The following FREM2 variants were observed in gnomAD, a reference collection of about 807,000 sequenced individuals.
FREM2 encodes FRAS1-related extracellular matrix protein 2.
Under a neutral mutation model 219.9 loss-of-function variants are expected in FREM2, and 119 were observed. That is an observed-to-expected ratio of 0.54 (90% CI 0.47 to 0.63). The LOEUF (loss-of-function observed/expected upper bound fraction) is 0.63, where lower values mean the gene tolerates loss of function less well. Ranked by LOEUF, FREM2 falls within the 30% of genes least tolerant of loss-of-function variation. FREM2 has a pLI of 0.00. For synonymous variants in FREM2, 1,562 were observed against 1,522.8 expected (o/e 1.03, Z -0.60); for missense variants, 4,030 against 3,993.6 (o/e 1.01, Z -0.25).
chr13:38,775,665 G>A (rs1873843398), intron 4 of FREM2, among the ~76,000 whole-genome samples: 2 of 152,144 alleles, frequency 1.3e-5, no homozygotes, highest in African/African-American at 4.8e-5. Context: ...TGTCACCCAG[G>A]CTGGAGCGAA....
chr13:38,716,309 C>T (rs765210904), intron 2 of FREM2, among the ~76,000 whole-genome samples: 5 of 152,146 alleles, frequency 3.3e-5, no homozygotes, highest in African/African-American at 9.7e-5. Context: ...TTGCTATTTT[C>T]ATTTCAAAAT....
chr13:38,715,844 C>CT (rs1010644216), intron 2 of FREM2, among the ~76,000 whole-genome samples: 1 of 151,624 alleles, frequency 6.6e-6, no homozygotes, highest in African/African-American at 2.4e-5. Flanking sequence ...ATAAGAATAC[C>CT]TTTTTTTGTG....
Position 38,689,184 on chromosome 13 carries a change from C to T in FREM2, c.1840C>T (p.Gln614Ter). 6.2e-7 allele frequency: 1 copy of T among 1,614,062 alleles called. No individual in the cohort carries two copies. The highest frequency in any genetic ancestry group is 8.5e-7 in the Non-Finnish European group (1 of 1,180,006). The change falls in exon 1 of 24, where the codon CAA becomes TAA. Residue 614 changes from glutamine to a stop codon, truncating the protein, a stop_gained. Transcript: ENST00000280481. LOFTEE classifies it high-confidence loss of function. ...AACTACGGGGCATCTGCTTCTCCGC[C>T]AAACTCACCCTCCCCATGAGAAGCA... is the stretch of plus-strand genomic sequence containing the variant. ...FLTTGHLLLR[Q>*]THPPHEKQEL...
At chr13:38,718,967 A>G (rs1041920444) in intron 2 of FREM2, among the ~76,000 whole-genome samples, 2 of 152,214 alleles carry the variant, frequency 1.3e-5, no homozygotes, top group Admixed American at 6.5e-5. Context: ...GAGTTACCAT[A>G]TTAATTTCCT....
chr13:38,689,727 G>T lies in FREM2; in HGVS notation c.2383G>T (p.Val795Leu). ...AYRPPGQELG[V>L]ATRVAQFQFQ... is the part of the protein sequence containing the mutation. ...CAGACCCCCGGGTCAAGAACTGGGC[G>T]TGGCTACTCGAGTGGCCCAGTTCCA... Residue 795 changes from valine (V) to leucine (L), a missense_variant, in exon 1 of 24, where the codon GTG becomes TTG. This residue lies in a region of FREM2 where 3,102 missense variants were observed against 2,950.7 expected (regional missense o/e 1.05). Transcript: ENST00000280481. 6.2e-7 allele frequency: 1 copy of T among 1,613,490 alleles called. No individual in the cohort carries two copies. Among genetic ancestry groups the T allele is most frequent in the African/African-American group, 1.3e-5 (1 of 75,010 alleles).
At chr13:38,715,072 A>G (rs1421933684) in intron 2 of FREM2, among the ~76,000 whole-genome samples, 1 of 152,216 alleles carries the variant, frequency 6.6e-6, no homozygotes. Context: ...AGCCTGGGTG[A>G]CAAGAGTGAG....
chr13:38,690,770 G>T lies in FREM2; in HGVS notation c.3426G>T (p.Arg1142Ser), dbSNP rs536996872. 2.5e-6 allele frequency: 4 copies of T among 1,614,140 alleles called. No individual in the cohort carries two copies. The highest frequency in any genetic ancestry group is 2.2e-5 in the East Asian group (1 of 44,874). ...GTGCTTTCAACTTGAAAGATCTCAG[G>T]CAGGGCCACATAAACTATGTCCAGA... is the stretch of plus-strand genomic sequence containing the variant. ...AISAFNLKDL[R>S]QGHINYVQSV... is the part of the protein sequence containing the mutation. Residue 1142 changes from arginine to serine, a missense_variant, in exon 1 of 24, where the codon AGG (arginine) becomes AGT (serine). Around this residue, in one of 2 missense-constraint regions of FREM2, gnomAD observed 3,102 missense variants for 2,950.7 expected, o/e 1.05. Coordinates refer to ENST00000280481, the MANE Select transcript of FREM2 (RefSeq NM_207361.6).
rs547390157 is a variant in FREM2, at chr13:38,868,022, T to G, written c.7983+3416T>G. Reference sequence around the variant, plus strand: ...AGTCTAGTAAAGCTGACACCTAAAATTAACCATCATAGATGGCGGTCCCAT... The same window carrying G: ...AGTCTAGTAAAGCTGACACCTAAAAGTAACCATCATAGATGGCGGTCCCAT... On this transcript the variant is annotated intron_variant, in intron 16 of 23. Transcript: ENST00000280481. Among the ~76,000 whole-genome samples, 15 of 152,300 alleles carry G rather than the reference T, an allele frequency of 9.8e-5. 1 individual carries two copies. In the South Asian group the frequency reaches 2.1e-3, roughly 21 times the overall value.
intron 6 of FREM2, among the ~76,000 whole-genome samples, chr13:38,841,842 A>G (rs9548488): frequency 0.14 from 21,598 of 152,208 alleles, 1,769 homozygotes; most frequent in Admixed American, 0.24. Context: ...TTGCACACCT[A>G]TTGCATTGAT....
intron 2 of FREM2, among the ~76,000 whole-genome samples, chr13:38,706,954 T>C (rs1302112399): frequency 6.6e-6 from 1 of 152,216 alleles, no homozygotes; most frequent in Non-Finnish European, 1.5e-5. Context: ...TAGGTACTTT[T>C]GTTCTTGCTT....
At chr13:38,776,187 G>T (rs1052003406) in intron 4 of FREM2, among the ~76,000 whole-genome samples, 4 of 152,176 alleles carry the variant, frequency 2.6e-5, no homozygotes, top group African/African-American at 9.7e-5. Flanking sequence ...AATGCCACTT[G>T]TTGGCCAGTC....
intron 2 of FREM2, among the ~76,000 whole-genome samples, chr13:38,704,395 T>G (rs1423347873): frequency 6.6e-6 from 1 of 152,200 alleles, no homozygotes; most frequent in African/African-American, 2.4e-5. Flanking sequence ...GAGACACAGC[T>G]GTCAGGAAAG....
chr13:38,759,668 G>A (rs1873153495), intron 2 of FREM2, among the ~76,000 whole-genome samples: 1 of 152,122 alleles, frequency 6.6e-6, no homozygotes, highest in South Asian at 2.1e-4. Flanking sequence ...CCAATGAGGT[G>A]CTGAGACTAG....
Position 38,878,878 on chromosome 13 carries a change from A to G in FREM2, c.8907A>G (p.Leu2969=), listed in dbSNP as rs115367553. 9.3e-6 allele frequency: 15 copies of G among 1,614,170 alleles called. No individual in the cohort carries two copies. In the East Asian group the frequency reaches 1.6e-4, roughly 17 times the overall value. The part of the protein sequence containing the change: ...ETQATSFGNV[L]FNAKLAVDDP... ...AAGCGACCAGTTTTGGAAATGTCCT[A>G]TTTAATGCCAAACTAGCAGTGGATG... The change falls in exon 23 of 24, where the codon CTA becomes CTG. Residue 2969 remains leucine, a synonymous_variant. Transcript: ENST00000280481.
chr13:38,729,686 T>C (rs1358729621), intron 2 of FREM2, among the ~76,000 whole-genome samples: 2 of 152,210 alleles, frequency 1.3e-5, no homozygotes, highest in African/African-American at 4.8e-5. Context: ...ATTGAGGCTT[T>C]CTTTAGACTT....
At position 38,689,759 on chromosome 13, in the gene FREM2, G is replaced by A; in HGVS notation, c.2415G>A (p.Gln805=). The part of the protein sequence containing the change: ...VATRVAQFQF[Q]VEDRAGNVAP... ...CTCGAGTGGCCCAGTTCCAGTTCCAGGTGGAAGACCGAGCTGGGAATGTGG... is the reference window on the plus strand; with the variant it reads ...CTCGAGTGGCCCAGTTCCAGTTCCAAGTGGAAGACCGAGCTGGGAATGTGG... The change falls in exon 1 of 24, where the codon CAG becomes CAA. Residue 805 remains glutamine, a synonymous_variant. Transcript: ENST00000280481. 2 of 1,613,362 alleles carry A rather than the reference G, an allele frequency of 1.2e-6. No individual in the cohort carries two copies. Among genetic ancestry groups the A allele is most frequent in the Non-Finnish European group, 1.7e-6 (2 of 1,179,634 alleles).
At position 38,880,710 on chromosome 13, in the gene FREM2, G is replaced by T; in HGVS notation, c.9433G>T (p.Asp3145Tyr). The change falls in exon 24 of 24, where the codon GAT becomes TAT. Residue 3145 changes from aspartate (D) to tyrosine (Y), a missense_variant. By Grantham distance (160) the Asp-to-Tyr change is radical. This residue lies in a region of FREM2 where 928 missense variants were observed against 1,042.9 expected (regional missense o/e 0.89). Transcript: ENST00000280481. ...CRGKESFRGK[D>Y]APKGSSSSEP... is the part of the protein sequence containing the mutation. ...GGGCAAGGAAAGTTTCAGGGGGAAG[G>T]ATGCCCCGAAAGGCTCCAGCAGCAG... 1 of 1,614,192 alleles carries T rather than the reference G, an allele frequency of 6.2e-7. No homozygotes were observed. Among genetic ancestry groups the T allele is most frequent in the Non-Finnish European group, 8.5e-7 (1 of 1,180,026 alleles).
intron 2 of FREM2, among the ~76,000 whole-genome samples, chr13:38,750,744 A>G (rs1033497712): frequency 4.0e-5 from 6 of 151,814 alleles, no homozygotes; most frequent in African/African-American, 1.5e-4. Flanking sequence ...CCTAGGCTAG[A>G]GTGCAGTGGC....
intron 6 of FREM2, among the ~76,000 whole-genome samples, chr13:38,820,412 C>T (rs1321127951): frequency 6.6e-6 from 1 of 152,052 alleles, no homozygotes; most frequent in African/African-American, 2.4e-5. Context: ...TGATTTATTA[C>T]CACTAAAACC....
Sources: gnomAD v4.1 joint callset for allele counts (sites outside exome capture counted in the v4.1 genomes callset) on GRCh38, gnomAD v4.1.1 for gene constraint, gnomAD v4.1.1 regional missense constraint, MANE v1.5 for transcripts, NCBI Gene and HGNC (gene_info 2026-07-23, HGNC 2026-07-21) for gene names.